Variants in ERC2 observed in about 807,000 individuals in gnomAD.
ERC2 encodes the protein ERC protein 2.
ERC2 carries 42 observed loss-of-function variants against 114.8 expected under a neutral mutation model. That is an observed-to-expected ratio of 0.37 (90% CI 0.29 to 0.47). The LOEUF is 0.47. Ranked by LOEUF, ERC2 falls within the 20% of genes least tolerant of loss-of-function variation. ERC2 has a pLI of 0.99. For missense variants in ERC2, 939 were observed against 1,150.7 expected (o/e 0.82, Z 2.66); for synonymous variants, 454 against 425.5 (o/e 1.07, Z -0.82).
At chr3:55,851,556 T>A (rs752279657) in intron 14 of ERC2, among the ~76,000 whole-genome samples, 6 of 152,338 alleles carry the variant, frequency 3.9e-5, no homozygotes, top group Non-Finnish European at 7.3e-5. Context: ...GTTCCCATTA[T>A]CATTATGTGA....
At chr3:55,751,737 A>G (rs1281723841) in intron 14 of ERC2, among the ~76,000 whole-genome samples, 1 of 152,222 alleles carries the variant, frequency 6.6e-6, no homozygotes, top group Non-Finnish European at 1.5e-5. Flanking sequence ...GCTGTCAGCA[A>G]TGGCCTGGGC....
intron 2 of ERC2, among the ~76,000 whole-genome samples, chr3:56,340,671 A>C (rs1349454176): frequency 6.6e-6 from 1 of 151,916 alleles, no homozygotes; most frequent in Non-Finnish European, 1.5e-5. Flanking sequence ...TCGTCTGACA[A>C]TTGCCCACAA....
intron 14 of ERC2, among the ~76,000 whole-genome samples, chr3:55,768,108 T>G (rs186002845): frequency 1.1e-3 from 174 of 152,348 alleles, no homozygotes; most frequent in Non-Finnish European, 2.1e-3. Context: ...CCTTCTACTA[T>G]GATTGTAAGT....
intron 17 of ERC2, among the ~76,000 whole-genome samples, chr3:55,651,016 T>G (rs936648773): frequency 7.7e-5 from 4 of 51,908 alleles, no homozygotes; most frequent in Non-Finnish European, 1.6e-4. Context: ...CCCAGCTAAT[T>G]TTTTTTTTTT....
intron 3 of ERC2, among the ~76,000 whole-genome samples, chr3:56,290,952 G>A (rs977828934): frequency 6.6e-6 from 1 of 152,092 alleles, no homozygotes; most frequent in Non-Finnish European, 1.5e-5. Context: ...ACCAAAGAAG[G>A]GCAAGATGCC....
intron 16 of ERC2, among the ~76,000 whole-genome samples, chr3:55,698,323 T>A (rs1336131257): frequency 6.6e-6 from 1 of 152,062 alleles, no homozygotes; most frequent in South Asian, 2.1e-4. Flanking sequence ...GTGTTCTATA[T>A]AAACAGCTCC....
At chr3:56,302,254 G>T (rs184476947) in intron 2 of ERC2, among the ~76,000 whole-genome samples, 3 of 152,150 alleles carry the variant, frequency 2.0e-5, no homozygotes, top group Admixed American at 2.0e-4. Flanking sequence ...GACCAAAAGG[G>T]GGTAACTGTA....
chr3:55,979,941 T>G (rs994389271), intron 12 of ERC2, among the ~76,000 whole-genome samples: 27 of 150,016 alleles, frequency 1.8e-4, no homozygotes, highest in Non-Finnish European at 8.9e-5. Context: ...AGACCCTATC[T>G]CTTCTTCTTT....
chr3:55,617,814 G>A (rs1030994009), intron 17 of ERC2, among the ~76,000 whole-genome samples: 2 of 152,206 alleles, frequency 1.3e-5, no homozygotes, highest in African/African-American at 2.4e-5. Flanking sequence ...CCAGTTAATT[G>A]AGCTTCATTT....
At chr3:56,124,037 G>A (rs1351251175) in intron 6 of ERC2, among the ~76,000 whole-genome samples, 1 of 152,122 alleles carries the variant, frequency 6.6e-6, no homozygotes, top group African/African-American at 2.4e-5. Flanking sequence ...AAATAAGAAA[G>A]CCTATCAGAA....
intron 3 of ERC2, among the ~76,000 whole-genome samples, chr3:56,220,639 T>C (rs1340277079): frequency 6.6e-6 from 1 of 152,244 alleles, no homozygotes; most frequent in Non-Finnish European, 1.5e-5. Context: ...TGCCGCTGGC[T>C]CCACTGCAAT....
chr3:56,004,470 C>T (rs956277235), intron 10 of ERC2, among the ~76,000 whole-genome samples: 10 of 151,972 alleles, frequency 6.6e-5, no homozygotes, highest in Non-Finnish European at 1.0e-4. Context: ...AACCATTTGT[C>T]ATCACAAAGT....
intron 13 of ERC2, among the ~76,000 whole-genome samples, chr3:55,891,971 A>T (rs2063629581): frequency 6.6e-6 from 1 of 152,132 alleles, no homozygotes; most frequent in Non-Finnish European, 1.5e-5. Context: ...GACTGTACAT[A>T]TGTAGTTTGT....
At position 56,369,595 on chromosome 3, in the gene ERC2, T is replaced by G. The variant is rs76536181; in HGVS notation, c.657+64756A>C. ...TAGAGATTCGAAGATGTAACCCAGC[T>G]AACCAGATGCTCCGGTTGTAACTTT... is the stretch of plus-strand genomic sequence containing the variant. On this transcript the variant is annotated intron_variant, in intron 2 of 17. Transcript: ENST00000288221. 8.5e-5 allele frequency among the ~76,000 whole-genome samples: 13 copies of G among 152,340 alleles called. No individual in the cohort carries two copies. The East Asian group carries it at 2.3e-3, about 27-fold the overall frequency.
intron 2 of ERC2, among the ~76,000 whole-genome samples, chr3:56,406,401 T>A (rs6763636): frequency 1.3e-5 from 2 of 151,880 alleles, no homozygotes; most frequent in South Asian, 4.1e-4. Flanking sequence ...GGGGCTACAG[T>A]CCCCAGGGAT....
chr3:55,784,594 G>A (rs550199839), intron 14 of ERC2, among the ~76,000 whole-genome samples: 256 of 152,258 alleles, frequency 1.7e-3, no homozygotes, highest in South Asian at 0.017. Flanking sequence ...GTCTCTTAAC[G>A]TGAACAGTTT....
chr3:56,287,571 G>T (rs549552335), intron 3 of ERC2, among the ~76,000 whole-genome samples: 1 of 152,310 alleles, frequency 6.6e-6, no homozygotes, highest in South Asian at 2.1e-4. Flanking sequence ...CTGATAAGAT[G>T]TGGCAAGAAA....
chr3:56,292,628 T>C (rs1283832262), intron 3 of ERC2, among the ~76,000 whole-genome samples: 1 of 145,894 alleles, frequency 6.9e-6, no homozygotes, highest in Non-Finnish European at 1.5e-5. Context: ...AAAAGGGACA[T>C]AGTAAAATGG....
At chr3:55,932,355 G>A (rs752662344) in intron 13 of ERC2, among the ~76,000 whole-genome samples, 9 of 152,062 alleles carry the variant, frequency 5.9e-5, no homozygotes, top group Non-Finnish European at 1.3e-4. Flanking sequence ...GACATCTATT[G>A]CTATTGCTTG....
Sources: gnomAD v4.1 joint callset for allele counts (sites outside exome capture counted in the v4.1 genomes callset) on GRCh38, gnomAD v4.1.1 for gene constraint, MANE v1.5 for transcripts, NCBI Gene and HGNC (gene_info 2026-07-23, HGNC 2026-07-21) for gene names.